CLECL1: variants seen among roughly 807,000 people sequenced by gnomAD.
CLECL1 encodes C-type lectin-like domain family 1.
chr12:9,722,500 T>A, downstream of CLECL1: 1 of 1,340,836 alleles, frequency 7.5e-7, no homozygotes, highest in Admixed American at 3.3e-5. Flanking sequence ...AATCATGTAA[T>A]TCAACAATTC....
intron 3 of CLECL1, among the ~76,000 whole-genome samples, chr12:9,724,558 G>C (rs1406064627): frequency 5.3e-5 from 8 of 152,092 alleles, no homozygotes; most frequent in African/African-American, 1.9e-4. Context: ...GAGAAATATA[G>C]TAAAACATTT....
chr12:9,708,693 T>C, the CLECL1 span, among the ~76,000 whole-genome samples: 23 of 152,186 alleles, frequency 1.5e-4, no homozygotes, highest in Admixed American at 6.5e-5. Flanking sequence ...CTCCGGATTT[T>C]CTCTACTTCA....
downstream of CLECL1, among the ~76,000 whole-genome samples, chr12:9,714,222 A>G (rs113272059): frequency 0.031 from 4,760 of 152,328 alleles, 265 homozygotes; most frequent in African/African-American, 0.11. Flanking sequence ...TGGTGGGTCC[A>G]TAGTATTGTA....
intron 1 of CLECL1, among the ~76,000 whole-genome samples, chr12:9,731,548 T>A (rs1391207233): frequency 1.3e-5 from 2 of 152,138 alleles, no homozygotes; most frequent in Non-Finnish European, 2.9e-5. Context: ...ATCTAATCTA[T>A]CCAACAGCTC....
At chr12:9,708,053 G>A in the CLECL1 span, among the ~76,000 whole-genome samples, 4 of 152,174 alleles carry the variant, frequency 2.6e-5, no homozygotes, top group African/African-American at 7.2e-5. Context: ...GCCCACAGCA[G>A]GCAAAGGCCA....
chr12:9,709,500 C>G, the CLECL1 span: 2 of 152,158 alleles, frequency 1.3e-5, no homozygotes, highest in African/African-American at 4.8e-5. Context: ...TTCAGATGAC[C>G]CTTATAGATA....
At chr12:9,718,826 T>C, downstream of CLECL1, 1 of 686,218 alleles carries the variant, frequency 1.5e-6, no homozygotes, top group South Asian at 1.6e-5. Flanking sequence ...CCAACAACCT[T>C]GATCTTGGAC....
chr12:9,718,690 A>G, downstream of CLECL1: 2 of 699,396 alleles, frequency 2.9e-6, no homozygotes, highest in South Asian at 1.5e-5. Context: ...TGTCCTTACA[A>G]GAAGAAATTT....
At chr12:9,733,702 G>A (rs147373484), upstream of CLECL1, among the ~76,000 whole-genome samples, 6 of 152,008 alleles carry the variant, frequency 3.9e-5, no homozygotes, top group East Asian at 1.2e-3. Context: ...ATAATTCAAG[G>A]TAATGACATA....
At chr12:9,719,166 G>A (rs1055526013), downstream of CLECL1, among the ~76,000 whole-genome samples, 1 of 152,152 alleles carries the variant, frequency 6.6e-6, no homozygotes, top group Non-Finnish European at 1.5e-5. Flanking sequence ...CAGGTGCGGT[G>A]GCTCATGCCT....
downstream of CLECL1, chr12:9,718,887 T>A: frequency 3.4e-6 from 2 of 593,194 alleles, no homozygotes; most frequent in Non-Finnish European, 5.9e-6. Flanking sequence ...AGCTACCTAG[T>A]CTGTGATACT....
the CLECL1 span, among the ~76,000 whole-genome samples, chr12:9,705,802 C>T: frequency 2.0e-5 from 3 of 152,060 alleles, no homozygotes; most frequent in African/African-American, 4.8e-5. Flanking sequence ...TTACTGTAGC[C>T]TTGTAGTATA....
At chr12:9,723,103 A>G (rs758921589) in intron 3 of CLECL1, among the ~76,000 whole-genome samples, 3 of 152,234 alleles carry the variant, frequency 2.0e-5, no homozygotes, top group Non-Finnish European at 4.4e-5. Flanking sequence ...TAAAACAATG[A>G]ACATCCAAGC....
At chr12:9,724,530 C>T (rs981968653) in intron 3 of CLECL1, among the ~76,000 whole-genome samples, 14 of 151,950 alleles carry the variant, frequency 9.2e-5, no homozygotes, top group Non-Finnish European at 2.9e-5. Flanking sequence ...GGAAAAAAGC[C>T]AAATGAAATT....
At chr12:9,723,576 T>G (rs1436530311) in intron 3 of CLECL1, among the ~76,000 whole-genome samples, 2 of 152,078 alleles carry the variant, frequency 1.3e-5, no homozygotes, top group Non-Finnish European at 2.9e-5. Context: ...TTTTTACAAT[T>G]GTTAGCCTTA....
intron 1 of CLECL1, among the ~76,000 whole-genome samples, chr12:9,731,979 A>G (rs1434690520): frequency 6.6e-6 from 1 of 152,210 alleles, no homozygotes; most frequent in Non-Finnish European, 1.5e-5. Context: ...ATTATGTTTC[A>G]CTATTTCATA....
At position 9,723,851 on chromosome 12, in the gene CLECL1, T is replaced by C. The variant is rs149079264; in HGVS notation, n.263-1038A>G. On this transcript the variant is annotated intron_variant and non_coding_transcript_variant, in intron 3 of 3. Coordinates refer to ENST00000621400, the Ensembl canonical transcript of CLECL1. ...GAGACTTGACCTGCTGCCCCAAAGA[T>C]AGAGATTTAAATTTAAGTCCAACTA... 6.3e-3 allele frequency among the ~76,000 whole-genome samples: 953 copies of C among 152,068 alleles called. 17 individuals are homozygous for C. Among genetic ancestry groups the C allele is most frequent in the African/African-American group, 0.022 (896 of 41,470 alleles).
downstream of CLECL1, chr12:9,722,421 A>C: frequency 3.8e-6 from 3 of 797,342 alleles, no homozygotes; most frequent in African/African-American, 1.8e-5. Flanking sequence ...CTTGGAGAGA[A>C]GAGCTTGGTA....
At chr12:9,728,560 C>T (rs4763835) in intron 2 of CLECL1, among the ~76,000 whole-genome samples, 136,781 of 151,828 alleles carry the variant, frequency 0.9, 61,656 homozygotes, top group East Asian at 0.97. Context: ...TTTAAGAAGA[C>T]ATTTTATCTT....
Sources: allele counts gnomAD v4.1 joint callset (sites outside exome capture counted in the v4.1 genomes callset), GRCh38; gene constraint gnomAD v4.1.1; transcripts MANE v1.5; gene names NCBI Gene and HGNC (gene_info 2026-07-23, HGNC 2026-07-21).